BMPR1B: variants seen among roughly 807,000 people sequenced by gnomAD.
BMPR1B encodes bone morphogenetic protein receptor type 1B.
In BMPR1B, 12 loss-of-function variants were observed where a neutral mutation model predicts 59.1. That is an observed-to-expected ratio of 0.20 (90% CI 0.13 to 0.33). The LOEUF (loss-of-function observed/expected upper bound fraction) is 0.33. Ranked by LOEUF, BMPR1B falls within the 10% of genes least tolerant of loss-of-function variation. The pLI, the probability that BMPR1B is intolerant of heterozygous loss-of-function variation, is 1.00. For synonymous variants in BMPR1B, 237 were observed against 207.3 expected, an observed-to-expected ratio of 1.14 and a Z score of -1.23; for missense variants, 550 against 610.9, an observed-to-expected ratio of 0.90 and a Z score of 1.05.
At chr4:95,067,379 G>A (rs908492237) in intron 3 of BMPR1B, among the ~76,000 whole-genome samples, 1 of 152,144 alleles carries the variant, frequency 6.6e-6, no homozygotes, top group Non-Finnish European at 1.5e-5. Flanking sequence ...AACACATGAT[G>A]TGTTGGCATC....
chr4:94,961,840 T>C (rs1730365823), intron 2 of BMPR1B, among the ~76,000 whole-genome samples: 1 of 152,202 alleles, frequency 6.6e-6, no homozygotes, highest in Admixed American at 6.5e-5. Flanking sequence ...GTTGTAAATA[T>C]TTATGGGAGT....
At chr4:94,934,555 A>C (rs1326820220) in intron 2 of BMPR1B, among the ~76,000 whole-genome samples, 1 of 151,210 alleles carries the variant, frequency 6.6e-6, no homozygotes, top group Non-Finnish European at 1.5e-5. Flanking sequence ...GTGCTAACCT[A>C]AACATCAGTG....
intron 1 of BMPR1B, among the ~76,000 whole-genome samples, chr4:94,811,841 C>T (rs1723826893): frequency 6.6e-6 from 1 of 152,076 alleles, no homozygotes; most frequent in Admixed American, 6.6e-5. Flanking sequence ...AAAGTTTTCT[C>T]CTGAAATATC....
chr4:94,961,519 TA>T (rs1730352800), intron 2 of BMPR1B, among the ~76,000 whole-genome samples: 2 of 152,196 alleles, frequency 1.3e-5, no homozygotes, highest in South Asian at 4.1e-4. Context: ...TTTTGCCTCA[TA>T]TTTAAACTAC....
At chr4:94,926,918 ATGTTTTTTC>A (rs1380302101) in intron 2 of BMPR1B, among the ~76,000 whole-genome samples, 1 of 152,120 alleles carries the variant, frequency 6.6e-6, no homozygotes, top group Non-Finnish European at 1.5e-5. Flanking sequence ...TATTAAATGC[ATGTTTTTTC>A]TTTGGTAGAA....
chr4:94,869,703 A>G (rs1726402879), intron 1 of BMPR1B, among the ~76,000 whole-genome samples: 1 of 152,212 alleles, frequency 6.6e-6, no homozygotes, highest in South Asian at 2.1e-4. Context: ...AAGTATGCAT[A>G]GTTTTTATAA....
At chr4:94,875,978 G>A (rs1294227325) in intron 2 of BMPR1B, 78 bp downstream of exon 2, 1 of 152,518 alleles carries the variant, frequency 6.6e-6, no homozygotes, top group Admixed American at 6.6e-5. Flanking sequence ...CCGACTTTGT[G>A]GTATGCTGAA....
At chr4:95,147,810 A>T (rs1734751451) in intron 10 of BMPR1B, among the ~76,000 whole-genome samples, 1 of 152,142 alleles carries the variant, frequency 6.6e-6, no homozygotes, top group Admixed American at 6.6e-5. Flanking sequence ...CAGGGCTTGT[A>T]CATGTCATCT....
intron 1 of BMPR1B, among the ~76,000 whole-genome samples, chr4:94,841,799 T>C (rs910926235): frequency 2.0e-5 from 3 of 152,226 alleles, no homozygotes; most frequent in Non-Finnish European, 2.9e-5. Context: ...AAATTTTTTC[T>C]ATTGATGATA....
chr4:94,774,416 A>G (rs1250422696), intron 1 of BMPR1B, among the ~76,000 whole-genome samples: 6 of 152,240 alleles, frequency 3.9e-5, no homozygotes, highest in African/African-American at 1.2e-4. Flanking sequence ...ATTAGGGTTC[A>G]TGATGATAAA....
chr4:95,104,775 G>T (rs535202464), intron 4 of BMPR1B, among the ~76,000 whole-genome samples: 2 of 152,126 alleles, frequency 1.3e-5, no homozygotes, highest in African/African-American at 4.8e-5. Context: ...GATCCCTCCA[G>T]ACAGCTCACA....
At chr4:95,103,573 A>G (rs1473293100) in intron 3 of BMPR1B, 6 of 819,822 alleles carry the variant, frequency 7.3e-6, no homozygotes, top group South Asian at 5.6e-5. Context: ...AGCTCTTGAC[A>G]TGAGGTTTGG....
chr4:94,923,282 T>C (rs1728771875), intron 2 of BMPR1B, among the ~76,000 whole-genome samples: 1 of 152,102 alleles, frequency 6.6e-6, no homozygotes. Context: ...TATTTGCCGA[T>C]GAGAAAATAG....
At chr4:95,109,793 T>C (rs7699056) in intron 4 of BMPR1B, among the ~76,000 whole-genome samples, 40,156 of 150,446 alleles carry the variant, frequency 0.27, 6,505 homozygotes, top group South Asian at 0.38. Flanking sequence ...ATGTGCCATG[T>C]TGGTGTGCTG....
intron 1 of BMPR1B, among the ~76,000 whole-genome samples, chr4:94,770,903 A>T (rs1405629459): frequency 1.3e-5 from 2 of 151,846 alleles, no homozygotes; most frequent in African/African-American, 4.8e-5. Context: ...AAAAAAAAAA[A>T]AAAAAATGAA....
At chr4:95,135,794 C>T (rs1197355735) in intron 10 of BMPR1B, among the ~76,000 whole-genome samples, 1 of 152,182 alleles carries the variant, frequency 6.6e-6, no homozygotes, top group East Asian at 1.9e-4. Flanking sequence ...GATATACAAT[C>T]ATGTCATCTG....
intron 3 of BMPR1B, among the ~76,000 whole-genome samples, chr4:95,052,869 T>C (rs1726610658): frequency 6.6e-6 from 1 of 152,220 alleles, no homozygotes; most frequent in Non-Finnish European, 1.5e-5. Context: ...AAAATTGTTG[T>C]AGGGAGAATA....
At chr4:95,006,526 A>G (rs1722846730) in intron 3 of BMPR1B, among the ~76,000 whole-genome samples, 2 of 151,014 alleles carry the variant, frequency 1.3e-5, no homozygotes, top group African/African-American at 4.9e-5. Flanking sequence ...GGAGATAAGA[A>G]ATCAAATACC....
intron 1 of BMPR1B, among the ~76,000 whole-genome samples, chr4:94,867,562 C>A (rs1040103799): frequency 6.6e-6 from 1 of 152,158 alleles, no homozygotes; most frequent in African/African-American, 2.4e-5. Flanking sequence ...CTTGGAATAG[C>A]CTTAGTTTAG....
Sources: gnomAD v4.1 joint callset for allele counts (sites outside exome capture counted in the v4.1 genomes callset) on GRCh38, gnomAD v4.1.1 for gene constraint, MANE v1.5 for transcripts, NCBI Gene and HGNC (gene_info 2026-07-23, HGNC 2026-07-21) for gene names.